CASR: variants seen among roughly 807,000 people sequenced by gnomAD.
CASR encodes extracellular calcium-sensing receptor.
A neutral mutation model predicts 69.1 loss-of-function variants in CASR; 23 were observed. The observed-to-expected ratio is 0.33, with a 90% confidence interval of 0.24 to 0.47. The LOEUF (loss-of-function observed/expected upper bound fraction) is 0.47, where lower values mean the gene tolerates loss of function less well. CASR is among the 20% of genes least tolerant of loss of function. The probability of loss-of-function intolerance (pLI) is 1.00; values close to 1 mark genes in which losing one functional copy is unlikely to be tolerated. For missense variants in CASR, 924 were observed against 1,356.1 expected, an observed-to-expected ratio of 0.68 and a Z score of 5.00; for synonymous variants, 541 against 544.7, an observed-to-expected ratio of 0.99 and a Z score of 0.10.
intron 1 of CASR, among the ~76,000 whole-genome samples, chr3:122,217,260 G>A (rs11713180): frequency 0.72 from 109,607 of 151,364 alleles, 39,900 homozygotes; most frequent in Admixed American, 0.82. Flanking sequence ...CACCATGCCC[G>A]GTTAATTTTT....
At position 122,285,950 on chromosome 3, in the gene CASR, T is replaced by C. The variant is rs2074964870; in HGVS notation, c.*759T>C. On this transcript the variant is annotated 3_prime_UTR_variant, in exon 7 of 7. Coordinates refer to ENST00000639785, the MANE Select transcript of CASR (RefSeq NM_000388.4). ...TCCATGGACAATATAAACTGAAAAA[T>C]GTCAGTCTGGTTTATATAAGGCAGT... 6.5e-6 allele frequency: 1 copy of C among 152,772 alleles called. No homozygotes were observed. Among genetic ancestry groups the C allele is most frequent in the Admixed American group, 6.5e-5 (1 of 15,286 alleles). The allele number at this position is 152,772 out of a possible 1,614,324, so 9.5% of individuals were successfully genotyped here. A position where few individuals can be genotyped will look rare whatever the true frequency, so the allele number is the denominator to read the frequency against.
chr3:122,270,251 G>A (rs527886718), intron 4 of CASR, among the ~76,000 whole-genome samples: 15 of 152,254 alleles, frequency 9.9e-5, no homozygotes, highest in East Asian at 1.9e-4. Context: ...TGTCCACATC[G>A]TCTAATTTGC....
At chr3:122,212,381 A>G (rs9884029) in intron 1 of CASR, among the ~76,000 whole-genome samples, 110,031 of 151,788 alleles carry the variant, frequency 0.72, 40,123 homozygotes, top group Admixed American at 0.82. Context: ...ACACAGGGAG[A>G]GGAATAACAC....
At chr3:122,190,967 C>G (rs541609114) in intron 1 of CASR, among the ~76,000 whole-genome samples, 1 of 152,346 alleles carries the variant, frequency 6.6e-6, no homozygotes, top group East Asian at 1.9e-4. Flanking sequence ...GTTGCTGATT[C>G]TACTTACTCC....
intron 3 of CASR, among the ~76,000 whole-genome samples, chr3:122,258,692 T>G (rs2074584508): frequency 1.3e-5 from 2 of 152,212 alleles, no homozygotes; most frequent in African/African-American, 2.4e-5. Context: ...AAGTTGAGTT[T>G]GAATTATAAA....
chr3:122,234,561 AGAG>A (rs1485689021), intron 1 of CASR, among the ~76,000 whole-genome samples: 1 of 152,200 alleles, frequency 6.6e-6, no homozygotes, highest in African/African-American at 2.4e-5. Flanking sequence ...AGCAAACATG[AGAG>A]GATGGAATTT....
intron 1 of CASR, among the ~76,000 whole-genome samples, chr3:122,201,533 G>A (rs888663641): frequency 2.0e-5 from 3 of 152,258 alleles, no homozygotes; most frequent in Non-Finnish European, 4.4e-5. Context: ...CCCAGACGGG[G>A]TGGTGGCTGG....
At chr3:122,230,874 A>C (rs190849318) in intron 1 of CASR, among the ~76,000 whole-genome samples, 1 of 152,250 alleles carries the variant, frequency 6.6e-6, no homozygotes, top group African/African-American at 2.4e-5. Context: ...CTTCAGCCAA[A>C]GGGGGTTTCT....
rs201202700 is a variant in CASR at position 122,282,126 on chromosome 3, A to C, written c.1622A>C (p.Asn541Thr). The C allele has an allele frequency of 1.9e-6, 3 of 1,614,066 alleles. No homozygotes were observed. Among genetic ancestry groups the C allele is most frequent in the East Asian group, 2.2e-5 (1 of 44,900 alleles). ...SGFSREVPFS[N>T]CSRDCLAGTR... ...TCTGTCCTCCAGGTGCCCTTCTCCAACTGCAGCCGAGACTGCCTGGCAGGG... is the reference window on the plus strand; with the variant it reads ...TCTGTCCTCCAGGTGCCCTTCTCCACCTGCAGCCGAGACTGCCTGGCAGGG... The change falls in exon 6 of 7, where the codon AAC (asparagine) becomes ACC (threonine). Residue 541 changes from asparagine (N) to threonine (T), a missense_variant. Physicochemically the swap from Asn to Thr is moderately conservative, Grantham distance 65. Transcript: ENST00000639785.
chr3:122,267,604 C>T (rs890906987), intron 4 of CASR, among the ~76,000 whole-genome samples: 2 of 152,238 alleles, frequency 1.3e-5, no homozygotes, highest in African/African-American at 4.8e-5. Context: ...TCTCTACTGA[C>T]AGAAAGAAAG....
intron 1 of CASR, among the ~76,000 whole-genome samples, chr3:122,200,243 T>TTATC (rs1490041834): frequency 6.6e-6 from 1 of 152,142 alleles, no homozygotes; most frequent in East Asian, 1.9e-4. Flanking sequence ...CACAAAGAAA[T>TTATC]GATAAAGTAT....
intron 1 of CASR, among the ~76,000 whole-genome samples, chr3:122,187,596 G>T (rs1487805657): frequency 6.6e-6 from 1 of 152,192 alleles, no homozygotes; most frequent in East Asian, 1.9e-4. Flanking sequence ...TAAGGGAAGG[G>T]AGTGGTCAAT....
chr3:122,226,408 A>G (rs147086808), intron 1 of CASR, among the ~76,000 whole-genome samples: 105 of 152,214 alleles, frequency 6.9e-4, no homozygotes, highest in African/African-American at 2.4e-3. Context: ...GTTACAGCTC[A>G]TAAAGGCAGT....
intron 1 of CASR, among the ~76,000 whole-genome samples, chr3:122,198,840 G>GAT (rs35390174): frequency 0.19 from 28,945 of 149,698 alleles, 2,978 homozygotes; most frequent in African/African-American, 0.28. Flanking sequence ...TATATGAGAG[G>GAT]ATATATATAT....
In CASR at chr3:122,282,151, G is replaced by T. The variant is rs1553768722; in HGVS notation, c.1647G>T (p.Gly549=). The T allele has an allele frequency of 2.5e-6, 4 of 1,614,118 alleles. No homozygotes were observed. Among genetic ancestry groups the T allele is most frequent in the Non-Finnish European group, 3.4e-6 (4 of 1,179,954 alleles). ...FSNCSRDCLA[G]TRKGIIEGEP... is the part of the protein sequence containing the mutation. The stretch of plus-strand genomic sequence containing the variant: ...ACTGCAGCCGAGACTGCCTGGCAGG[G>T]ACCAGGAAAGGGATCATTGAGGGGG... The change falls in exon 6 of 7, where the codon GGG becomes GGT. Residue 549 remains glycine (G), a synonymous_variant. Transcript: ENST00000639785.
intron 1 of CASR, among the ~76,000 whole-genome samples, chr3:122,252,440 A>AGAAAGAAAGAAGGAAG (rs2074504334): frequency 9.2e-6 from 1 of 108,560 alleles, no homozygotes; most frequent in Non-Finnish European, 1.9e-5. Context: ...AAAGAAAGAA[A>AGAAAGAAAGAAGGAAG]GAAAGAAAAA....
At chr3:122,252,851 G>C (rs1483720984) in intron 1 of CASR, among the ~76,000 whole-genome samples, 1 of 152,228 alleles carries the variant, frequency 6.6e-6, no homozygotes, top group Non-Finnish European at 1.5e-5. Flanking sequence ...GCAGTGTCCA[G>C]TTGGCAGTCC....
intron 1 of CASR, among the ~76,000 whole-genome samples, chr3:122,240,266 A>G (rs72969350): frequency 0.021 from 3,190 of 152,286 alleles, 102 homozygotes; most frequent in African/African-American, 0.074. Context: ...ACAAGACCCA[A>G]TGATCTGTTG....
Position 122,200,331 on chromosome 3 carries a change from C to A in CASR, c.-243+16519C>A, listed in dbSNP as rs57493498. On this transcript the variant is annotated intron_variant, in intron 1 of 6. Transcript: ENST00000639785. The stretch of plus-strand genomic sequence containing the variant: ...ATGTATTGAAATATCACACAGTACC[C>A]CATAAAATGTATAATTATGTGTCAA... Among the ~76,000 whole-genome samples, 819 of 152,108 alleles carry A rather than the reference C, an allele frequency of 5.4e-3. 11 individuals are homozygous for A. Among genetic ancestry groups the A allele is most frequent in the African/African-American group, 0.018 (750 of 41,498 alleles).
Sources: gnomAD v4.1 joint callset for allele counts (sites outside exome capture counted in the v4.1 genomes callset) on GRCh38, gnomAD v4.1.1 for gene constraint, MANE v1.5 for transcripts, NCBI Gene and HGNC (gene_info 2026-07-23, HGNC 2026-07-21) for gene names.